UNC5D: variants seen among roughly 807,000 people sequenced by gnomAD.
UNC5D encodes the protein netrin receptor UNC5D.
A neutral mutation model predicts 105.4 loss-of-function variants in UNC5D; 39 were observed. That is an observed-to-expected ratio of 0.37 (90% CI 0.29 to 0.48). The LOEUF (loss-of-function observed/expected upper bound fraction) is 0.48, where lower values mean the gene tolerates loss of function less well. UNC5D is among the 20% of genes least tolerant of loss of function. The probability of loss-of-function intolerance (pLI) is 0.98; values close to 1 mark genes in which losing one functional copy is unlikely to be tolerated. For missense variants in UNC5D, 991 were observed against 1,202.4 expected, an observed-to-expected ratio of 0.82 and a Z score of 2.60; for synonymous variants, 452 against 450.4, an observed-to-expected ratio of 1.00 and a Z score of -0.04.
In UNC5D at chr8:35,643,282, G is replaced by A. The variant is rs150522894; in HGVS notation, c.571-40265G>A. On this transcript the variant is annotated intron_variant, in intron 4 of 16. Coordinates refer to ENST00000404895, the MANE Select transcript of UNC5D (RefSeq NM_080872.4). ...TCCCTGGAGGAAAAAGTCGCCCTTG[G>A]TTGAGAACCACCACCCTAATTCTGT... Among the ~76,000 whole-genome samples the A allele has an allele frequency of 1.6e-4, 25 of 152,182 alleles. No individual in the cohort carries two copies. The East Asian group carries it at 4.1e-3, about 25-fold the overall frequency.
At chr8:35,297,788 A>C (rs2980397) in intron 1 of UNC5D, among the ~76,000 whole-genome samples, 8 of 150,206 alleles carry the variant, frequency 5.3e-5, no homozygotes, top group African/African-American at 2.0e-4. Flanking sequence ...TTTTTTTTTT[A>C]AATTTTGGCA....
intron 1 of UNC5D, among the ~76,000 whole-genome samples, chr8:35,279,280 A>G (rs1210334058): frequency 6.6e-6 from 1 of 152,228 alleles, no homozygotes; most frequent in Non-Finnish European, 1.5e-5. Context: ...AAAAAGGTAA[A>G]TAAAACAAAC....
intron 4 of UNC5D, among the ~76,000 whole-genome samples, chr8:35,668,093 C>T (rs995936174): frequency 2.0e-5 from 3 of 152,092 alleles, no homozygotes; most frequent in Admixed American, 1.3e-4. Context: ...TTCTATACTT[C>T]GGCAAACCTT....
intron 1 of UNC5D, among the ~76,000 whole-genome samples, chr8:35,399,020 C>T (rs1804278937): frequency 6.6e-6 from 1 of 151,676 alleles, no homozygotes; most frequent in Non-Finnish European, 1.5e-5. Flanking sequence ...TGGCATGCAC[C>T]TGTAGTCCCA....
At chr8:35,721,477 A>G in intron 8 of UNC5D, 1 of 702,924 alleles carries the variant, frequency 1.4e-6, no homozygotes, top group African/African-American at 1.7e-5. Flanking sequence ...GAGGTATGGG[A>G]GAAACAGCAT....
At position 35,669,714 on chromosome 8, in the gene UNC5D, G is replaced by A. The variant is rs796578289; in HGVS notation, c.571-13833G>A. Among the ~76,000 whole-genome samples the A allele has an allele frequency of 3.7e-4, 57 of 152,040 alleles. 1 individual carries two copies. Among genetic ancestry groups the A allele is most frequent in the African/African-American group, 1.4e-3 (57 of 41,458 alleles). On this transcript the variant is annotated intron_variant, in intron 4 of 16. Coordinates refer to ENST00000404895, the MANE Select transcript of UNC5D (RefSeq NM_080872.4). The stretch of plus-strand genomic sequence containing the variant: ...TTTAAATGTAATATTATTATCACCA[G>A]CTCTTTAAATGTTTTCAGTGAATCT...
chr8:35,615,047 C>G lies in UNC5D; in HGVS notation c.570+19390C>G, dbSNP rs1348039184. Among the ~76,000 whole-genome samples the G allele has an allele frequency of 7.0e-5, 9 of 128,248 alleles. 1 individual carries two copies. In the South Asian group the frequency reaches 1.6e-3, roughly 23 times the overall value. The allele number at this position is 128,248 out of a possible 152,430, so 84.1% of individuals were successfully genotyped here. Reference sequence around the variant, plus strand: ...CAACATAGTGAGGGGCCCCCCCCCCCCCGTCCCCCACCCCCCGATCTCCAC... The same window carrying G: ...CAACATAGTGAGGGGCCCCCCCCCCGCCGTCCCCCACCCCCCGATCTCCAC... On this transcript the variant is annotated intron_variant, in intron 4 of 16. Transcript: ENST00000404895.
At chr8:35,533,604 A>C (rs1400307655) in intron 1 of UNC5D, among the ~76,000 whole-genome samples, 1 of 152,096 alleles carries the variant, frequency 6.6e-6, no homozygotes, top group Admixed American at 6.5e-5. Context: ...TGCTTTGTTT[A>C]CCTAAGCAAG....
chr8:35,236,155 C>A (rs1319559877), intron 1 of UNC5D, among the ~76,000 whole-genome samples: 2 of 152,216 alleles, frequency 1.3e-5, no homozygotes, highest in Non-Finnish European at 2.9e-5. Flanking sequence ...ATTTTCCAAG[C>A]CCTCCCCAAT....
At chr8:35,320,308 G>T (rs1809636084) in intron 1 of UNC5D, among the ~76,000 whole-genome samples, 1 of 152,128 alleles carries the variant, frequency 6.6e-6, no homozygotes, top group Non-Finnish European at 1.5e-5. Flanking sequence ...GGAATCAGTA[G>T]AAGGGAGTGT....
At chr8:35,453,188 T>A (rs1207807870) in intron 1 of UNC5D, among the ~76,000 whole-genome samples, 1 of 152,182 alleles carries the variant, frequency 6.6e-6, no homozygotes, top group Non-Finnish European at 1.5e-5. Context: ...TATTTGAATT[T>A]CTGTTCCTGT....
intron 1 of UNC5D, among the ~76,000 whole-genome samples, chr8:35,398,224 A>G (rs955916295): frequency 3.9e-5 from 6 of 152,188 alleles, no homozygotes; most frequent in African/African-American, 1.4e-4. Context: ...GTAACCTGGG[A>G]ATTTCAGTCA....
Position 35,794,620 on chromosome 8 carries a change from G to A in UNC5D, c.*4057G>A, listed in dbSNP as rs562782763. The A allele has an allele frequency of 2.0e-5, 3 of 152,600 alleles. No individual in the cohort carries two copies. The highest frequency in any genetic ancestry group is 6.5e-5 in the Admixed American group (1 of 15,270). The allele number at this position is 152,600 out of a possible 1,614,324, so 9.5% of individuals were successfully genotyped here. On this transcript the variant is annotated 3_prime_UTR_variant, in exon 17 of 17. Coordinates refer to ENST00000404895, the MANE Select transcript of UNC5D (RefSeq NM_080872.4). ...ATTTTCCTGAACTACAAGCAAAAAT[G>A]TATTTTGTCCAATGTCACAAAAGTG...
intron 4 of UNC5D, among the ~76,000 whole-genome samples, chr8:35,660,208 TG>T (rs751852183): frequency 4.6e-5 from 7 of 152,258 alleles, no homozygotes; most frequent in Non-Finnish European, 1.0e-4. Flanking sequence ...TTAAGGAGCA[TG>T]GGGAGAACAG....
chr8:35,652,262 T>TA (rs527643541), intron 4 of UNC5D, among the ~76,000 whole-genome samples: 358 of 152,084 alleles, frequency 2.4e-3, no homozygotes, highest in Non-Finnish European at 4.1e-3. Flanking sequence ...GGAAGATGGC[T>TA]AAAAAAAACA....
At chr8:35,293,130 G>C (rs1210806111) in intron 1 of UNC5D, among the ~76,000 whole-genome samples, 1 of 152,120 alleles carries the variant, frequency 6.6e-6, no homozygotes, top group African/African-American at 2.4e-5. Flanking sequence ...ACTTTAACTA[G>C]GCTGAGGCGG....
intron 12 of UNC5D, among the ~76,000 whole-genome samples, 200 bp from the exon 13 acceptor site, chr8:35,750,382 T>C (rs1830215271): frequency 6.7e-6 from 1 of 148,616 alleles, no homozygotes; most frequent in African/African-American, 2.5e-5. Context: ...TGAGCCACCA[T>C]GCCTAGCCCA....
At chr8:35,655,810 C>T (rs1469215027) in intron 4 of UNC5D, among the ~76,000 whole-genome samples, 1 of 152,010 alleles carries the variant, frequency 6.6e-6, no homozygotes, top group African/African-American at 2.4e-5. Flanking sequence ...ATGCCCACAG[C>T]CAAATTATAA....
chr8:35,417,479 G>C (rs1181515424), intron 1 of UNC5D, among the ~76,000 whole-genome samples: 1 of 151,562 alleles, frequency 6.6e-6, no homozygotes, highest in Non-Finnish European at 1.5e-5. Flanking sequence ...TGGCTAAGGA[G>C]TGGGCTGTAC....
Sources: allele counts gnomAD v4.1 joint callset (sites outside exome capture counted in the v4.1 genomes callset), GRCh38; gene constraint gnomAD v4.1.1; transcripts MANE v1.5; gene names NCBI Gene and HGNC (gene_info 2026-07-23, HGNC 2026-07-21).